Variants in LRTM1 observed in about 807,000 individuals in gnomAD.
The protein encoded by LRTM1 is leucine-rich repeat and transmembrane domain-containing protein 1.
A neutral mutation model predicts 32.4 loss-of-function variants in LRTM1; 38 were observed. The observed-to-expected ratio is 1.17, with a 90% CI of 0.91 to 1.54. LRTM1 has a LOEUF of 1.54. LRTM1 is among the 40% of genes most tolerant of loss of function. The pLI, the probability that LRTM1 is intolerant of heterozygous loss-of-function variation, is 0.00. For synonymous variants in LRTM1, 186 were observed against 169.9 expected (o/e 1.09, Z -0.74); for missense variants, 466 against 415.4 (o/e 1.12, Z -1.06).
intron 1 of LRTM1, among the ~76,000 whole-genome samples, chr3:54,940,252 T>G (rs1701433475): frequency 6.6e-6 from 1 of 152,228 alleles, no homozygotes; most frequent in African/African-American, 2.4e-5. Context: ...AGACTGCAAC[T>G]ATTTTCTACT....
chr3:54,932,608 C>T (rs1396669710), upstream of LRTM1, among the ~76,000 whole-genome samples: 2 of 152,206 alleles, frequency 1.3e-5, no homozygotes, highest in African/African-American at 4.8e-5. Context: ...CTAGAGTTTG[C>T]CTCCTCTCTC....
intron 1 of LRTM1, among the ~76,000 whole-genome samples, chr3:54,957,693 C>T (rs1701935463): frequency 1.6e-5 from 2 of 123,898 alleles, no homozygotes; most frequent in South Asian, 6.1e-4. Context: ...CCAGGCCCCA[C>T]CCAGTCAGGA....
intron 1 of LRTM1, among the ~76,000 whole-genome samples, chr3:54,946,988 A>G (rs1342070302): frequency 6.6e-6 from 1 of 152,234 alleles, no homozygotes; most frequent in Admixed American, 6.5e-5. Flanking sequence ...TAAGATGATT[A>G]GAATTACCTG....
chr3:54,951,532 A>T (rs1198563194), intron 1 of LRTM1, among the ~76,000 whole-genome samples: 1 of 152,186 alleles, frequency 6.6e-6, no homozygotes, highest in Non-Finnish European at 1.5e-5. Flanking sequence ...ACTTTGAAGC[A>T]TCTCTACAGA....
In LRTM1 at chr3:54,925,893, T is replaced by C. The variant is rs1701000185; in HGVS notation, c.8-678A>G. The stretch of plus-strand genomic sequence containing the variant: ...ATCCATTTTTGCCGTTGTAATTCCA[T>C]GAACAAGGATAGTGTCTGCTGCTTT... On this transcript the variant is annotated intron_variant, in intron 1 of 2. Coordinates refer to ENST00000273286, the MANE Select transcript of LRTM1 (RefSeq NM_020678.4). 2.0e-5 allele frequency among the ~76,000 whole-genome samples: 3 copies of C among 152,366 alleles called. No individual in the cohort carries two copies. The South Asian group carries it at 6.2e-4, about 32-fold the overall frequency.
In LRTM1 at chr3:54,924,863, G is replaced by A. The variant is rs765487824; in HGVS notation, c.360C>T (p.Ser120=). The change falls in exon 2 of 3, where the codon TCC becomes TCT. Residue 120 remains serine (S), a synonymous_variant. Transcript: ENST00000273286. The part of the protein sequence containing the change: ...LLSLESRLFH[S]LPQLRELDLS... ...AATCAAGCTCCCTCAGCTGAGGGAG[G>A]GAATGGAAAAGTCTGCTTTCCAGGG... The A allele has an allele frequency of 3.7e-6, 6 of 1,613,726 alleles. No homozygotes were observed. The highest frequency in any genetic ancestry group is 3.3e-5 in the Admixed American group (2 of 60,006).
chr3:54,947,087 A>T (rs116598770), intron 1 of LRTM1, among the ~76,000 whole-genome samples: 2,895 of 152,324 alleles, frequency 0.019, 44 homozygotes, highest in Non-Finnish European at 0.031. Context: ...AAATACTATA[A>T]TACCAAAACT....
At chr3:54,949,319 A>G (rs1429196137) in intron 1 of LRTM1, among the ~76,000 whole-genome samples, 1 of 152,204 alleles carries the variant, frequency 6.6e-6, no homozygotes, top group East Asian at 1.9e-4. Context: ...GAAATGGTCT[A>G]GGTGTGGATA....
At chr3:54,940,601 TAC>T (rs1559638442) in intron 1 of LRTM1, among the ~76,000 whole-genome samples, 18 of 152,194 alleles carry the variant, frequency 1.2e-4, no homozygotes, top group Non-Finnish European at 1.3e-4. Flanking sequence ...TGCTACAGGC[TAC>T]TCCCAAACTG....
Position 54,924,994 on chromosome 3 carries a change from T to C in LRTM1, c.229A>G (p.Met77Val), listed in dbSNP as rs757807422. The change falls in exon 2 of 3, where the codon ATG becomes GTG. Residue 77 changes from methionine (M) to valine (V), a missense_variant. Coordinates refer to ENST00000273286, the MANE Select transcript of LRTM1 (RefSeq NM_020678.4). Reference protein sequence around the residue: ...AFAFRSVPWLMTLNLSNNSLS... With the variant: ...AFAFRSVPWLVTLNLSNNSLS... ...GAATTGTTGGACAAGTTTAAGGTCA[T>C]GAGCCATGGCACTGACCTAAATGCA... The C allele has an allele frequency of 1.2e-6, 2 of 1,613,756 alleles. No individual in the cohort carries two copies. Among genetic ancestry groups the C allele is most frequent in the African/African-American group, 2.7e-5 (2 of 74,930 alleles).
chr3:54,930,995 C>A (rs1206653711), upstream of LRTM1, among the ~76,000 whole-genome samples: 1 of 151,296 alleles, frequency 6.6e-6, no homozygotes, highest in African/African-American at 2.5e-5. Flanking sequence ...ACTCAGGAGG[C>A]TGAGGCAGGA....
At chr3:54,961,928 TGCTGGTGGGG>T (rs1702037886) in intron 1 of LRTM1, among the ~76,000 whole-genome samples, 1 of 152,038 alleles carries the variant, frequency 6.6e-6, no homozygotes, top group African/African-American at 2.4e-5. Flanking sequence ...GTGAGGGACT[TGCTGGTGGGG>T]GCTCTGCAGA....
Position 54,925,092 on chromosome 3 carries a change from A to T in LRTM1, c.131T>A (p.Ile44Asn), listed in dbSNP as rs1404944644. The change falls in exon 2 of 3, where the codon ATC (isoleucine) becomes AAC (asparagine). Residue 44 changes from isoleucine (I) to asparagine (N), a missense_variant. Physicochemically the swap from Ile to Asn is moderately radical, Grantham distance 149. Transcript: ENST00000273286. ...AGTCTGAGGAGGTAAATGGGAAGGG[A>T]TTTCGGCCAGACCCTGCTGGCTGCA... The part of the protein sequence containing the change: ...VDCSQQGLAE[I>N]PSHLPPQTRT... 6.2e-7 allele frequency: 1 copy of T among 1,614,092 alleles called. No homozygotes were observed. The highest frequency in any genetic ancestry group is 8.5e-7 in the Non-Finnish European group (1 of 1,180,024).
upstream of LRTM1, among the ~76,000 whole-genome samples, chr3:54,929,204 A>G (rs1248885245): frequency 6.6e-6 from 1 of 152,176 alleles, no homozygotes; most frequent in Non-Finnish European, 1.5e-5. Flanking sequence ...CCCATCTCTG[A>G]CATGGGGACA....
intron 1 of LRTM1, among the ~76,000 whole-genome samples, chr3:54,926,940 C>T (rs1408154477): frequency 6.6e-6 from 1 of 152,152 alleles, no homozygotes; most frequent in Non-Finnish European, 1.5e-5. Flanking sequence ...TGTCATTCAC[C>T]AAAGTAGCTG....
In LRTM1 at chr3:54,924,708, A is replaced by G. The variant is rs1209304177; in HGVS notation, c.515T>C (p.Val172Ala). The G allele has an allele frequency of 6.2e-7, 1 of 1,614,146 alleles. No individual in the cohort carries two copies. Among genetic ancestry groups the G allele is most frequent in the Non-Finnish European group, 8.5e-7 (1 of 1,180,026 alleles). The stretch of plus-strand genomic sequence containing the variant: ...GTTGTCCTTGAGAAGTAAAAGCCTC[A>G]CACTGGGCATGGATTCCAGGAGCGC... Reference protein sequence around the residue: ...DRALLESMPSVRLLLLKDNLW... With the variant: ...DRALLESMPSARLLLLKDNLW... The change falls in exon 2 of 3, where the codon GTG becomes GCG. Residue 172 changes from valine (V) to alanine (A), a missense_variant. Physicochemically the swap from Val to Ala is moderately conservative, Grantham distance 64. Coordinates refer to ENST00000273286, the MANE Select transcript of LRTM1 (RefSeq NM_020678.4).
intron 1 of LRTM1, among the ~76,000 whole-genome samples, chr3:54,960,021 A>G (rs1270585548): frequency 6.7e-6 from 1 of 150,212 alleles, no homozygotes; most frequent in Non-Finnish European, 1.5e-5. Context: ...AACATTTATA[A>G]TTGTCATTTA....
At position 54,918,541 on chromosome 3, in the gene LRTM1, TG is replaced by T. The variant is rs1255111428; in HGVS notation, c.955del (p.Gln319SerfsTer34). The T allele has an allele frequency of 6.2e-7, 1 of 1,613,990 alleles. No homozygotes were observed. The highest frequency in any genetic ancestry group is 8.5e-7 in the Non-Finnish European group (1 of 1,180,014). ...YGCTYAAITA[Q>X]YHGGPLAQTN... Reference sequence around the variant, plus strand: ...TTGAGCCAAGGGTCCCCCATGGTACTGGGCTGTGATTGCCGCATAGGTGCAG... The same window carrying T: ...TTGAGCCAAGGGTCCCCCATGGTACTGGCTGTGATTGCCGCATAGGTGCAG... On this transcript the variant is annotated frameshift_variant, in exon 3 of 3. Coordinates refer to ENST00000273286, the MANE Select transcript of LRTM1 (RefSeq NM_020678.4). LOFTEE classifies it high-confidence loss of function.
At chr3:54,949,689 G>T (rs191505507) in intron 1 of LRTM1, among the ~76,000 whole-genome samples, 65 of 152,270 alleles carry the variant, frequency 4.3e-4, no homozygotes, top group African/African-American at 1.5e-3. Context: ...GCCCAACATC[G>T]TTGGTCAGGG....
Sources: gnomAD v4.1 joint callset for allele counts (sites outside exome capture counted in the v4.1 genomes callset) on GRCh38, gnomAD v4.1.1 for gene constraint, MANE v1.5 for transcripts, NCBI Gene and HGNC (gene_info 2026-07-23, HGNC 2026-07-21) for gene names.